Variants in MICAL2 observed in about 807,000 individuals in gnomAD.
The protein encoded by MICAL2 is [F-actin]-monooxygenase MICAL2.
A neutral mutation model predicts 127.3 loss-of-function variants in MICAL2; 77 were observed. That is an observed-to-expected ratio of 0.60 (90% CI 0.50 to 0.73). MICAL2 has a LOEUF of 0.73. Ranked by LOEUF, MICAL2 falls within the 30% of genes least tolerant of loss-of-function variation. MICAL2 has a pLI of 0.00. For synonymous variants in MICAL2, 570 were observed against 551.1 expected (o/e 1.03, Z -0.48); for missense variants, 1,351 against 1,434.4 (o/e 0.94, Z 0.94).
intron 1 of MICAL2, among the ~76,000 whole-genome samples, chr11:12,277,696 A>G (rs1392347182): frequency 6.6e-6 from 1 of 152,206 alleles, no homozygotes; most frequent in Non-Finnish European, 1.5e-5. Flanking sequence ...CTTATAAGAC[A>G]AGGTAAGGAG....
intron 26 of MICAL2, chr11:12,260,793 G>A (rs1477588311): frequency 1.0e-6 from 1 of 985,478 alleles, no homozygotes; most frequent in Non-Finnish European, 1.2e-6. Context: ...GAGGAGGACT[G>A]TTTTGCTCCC....
At chr11:12,331,855 A>C (rs1043412619) in intron 32 of MICAL2, among the ~76,000 whole-genome samples, 1 of 152,164 alleles carries the variant, frequency 6.6e-6, no homozygotes, top group Admixed American at 6.5e-5. Context: ...CTTTTCTTTT[A>C]TGTCCCTATT....
intron 8 of MICAL2, among the ~76,000 whole-genome samples, chr11:12,219,848 A>G (rs889852910): frequency 2.0e-5 from 3 of 152,226 alleles, no homozygotes; most frequent in Non-Finnish European, 4.4e-5. Context: ...CCCTGTTGAA[A>G]TTCCTACGTG....
chr11:12,155,803 G>A (rs1854125088), intron 2 of MICAL2, among the ~76,000 whole-genome samples: 1 of 152,220 alleles, frequency 6.6e-6, no homozygotes, highest in Non-Finnish European at 1.5e-5. Context: ...ACTGGGCCCT[G>A]ATGACGTTGG....
At chr11:12,293,746 C>A (rs975430498), downstream of MICAL2, 2 of 1,613,974 alleles carry the variant, frequency 1.2e-6, no homozygotes, top group Middle Eastern at 1.6e-4. Flanking sequence ...GCCTCTCAGA[C>A]CCTGCAGAGA....
At chr11:12,234,135 G>A (rs1343709569) in intron 15 of MICAL2, among the ~76,000 whole-genome samples, 1 of 152,114 alleles carries the variant, frequency 6.6e-6, no homozygotes, top group Non-Finnish European at 1.5e-5. Context: ...CTGCTGGTGG[G>A]CACGGCCTCC....
At chr11:12,270,080 T>G (rs1167368664) in intron 24 of MICAL2, among the ~76,000 whole-genome samples, 1 of 152,230 alleles carries the variant, frequency 6.6e-6, no homozygotes, top group Non-Finnish European at 1.5e-5. Flanking sequence ...AAAAGGACTT[T>G]GGCTCTGGCA....
chr11:12,258,798 GAAGCCTGGAAGAGCT>G (rs1862683275), intron 25 of MICAL2, among the ~76,000 whole-genome samples: 1 of 152,336 alleles, frequency 6.6e-6, no homozygotes, highest in East Asian at 1.9e-4. Context: ...CTTCTCATAA[GAAGCCTGGAAGAGCT>G]TGCCCATGTG....
intron 34 of MICAL2, among the ~76,000 whole-genome samples, chr11:12,356,193 G>T (rs1347813462): frequency 6.6e-6 from 1 of 152,132 alleles, no homozygotes; most frequent in Non-Finnish European, 1.5e-5. Flanking sequence ...AACCCTGTCA[G>T]ATGTATCCAA....
At chr11:12,146,237 C>T (rs1273146290) in intron 2 of MICAL2, among the ~76,000 whole-genome samples, 11 of 152,110 alleles carry the variant, frequency 7.2e-5, no homozygotes, top group Non-Finnish European at 1.2e-4. Flanking sequence ...AACTAAAGAG[C>T]TTCTGCACAG....
chr11:12,217,736 G>T (rs373520899), intron 8 of MICAL2, among the ~76,000 whole-genome samples: 2 of 152,096 alleles, frequency 1.3e-5, no homozygotes, highest in Admixed American at 6.5e-5. Flanking sequence ...CTTCCCTGGC[G>T]GTTGTCAAAG....
intron 2 of MICAL2, among the ~76,000 whole-genome samples, chr11:12,154,480 A>G (rs1853947983): frequency 6.6e-6 from 1 of 152,218 alleles, no homozygotes; most frequent in Non-Finnish European, 1.5e-5. Context: ...AACTTTGGGA[A>G]ATACAGAAAA....
intron 22 of MICAL2, 107 bp from the exon 23 acceptor site, chr11:12,255,536 A>C: frequency 1.1e-6 from 1 of 929,026 alleles, no homozygotes; most frequent in Non-Finnish European, 1.7e-6. Context: ...TGCTATTTGC[A>C]TGTGGGTGAG....
downstream of MICAL2, among the ~76,000 whole-genome samples, chr11:12,296,851 G>C (rs903401711): frequency 6.6e-6 from 1 of 151,908 alleles, no homozygotes; most frequent in Non-Finnish European, 1.5e-5. Flanking sequence ...TTATTTTGGA[G>C]CTCATTCCAT....
chr11:12,150,382 G>A (rs1201907254), intron 2 of MICAL2, among the ~76,000 whole-genome samples: 3 of 151,998 alleles, frequency 2.0e-5, no homozygotes, highest in Admixed American at 6.5e-5. Flanking sequence ...AGCCGTGACC[G>A]TACCACTGCT....
intron 34 of MICAL2, among the ~76,000 whole-genome samples, chr11:12,356,939 A>G (rs1171440884): frequency 6.6e-6 from 1 of 152,244 alleles, no homozygotes; most frequent in African/African-American, 2.4e-5. Flanking sequence ...GGGCAGGGCA[A>G]GAGTCCTTTG....
chr11:12,313,961 A>ATTTTTT (rs60681621), intron 29 of MICAL2, among the ~76,000 whole-genome samples: 1,256 of 43,614 alleles, frequency 0.029, 72 homozygotes, highest in Middle Eastern at 0.067. Flanking sequence ...TCTTGGTCTG[A>ATTTTTT]TTTTTTTTTT....
rs115925973 is a variant in MICAL2, at chr11:12,270,589, C to T, written c.3335-5397C>T. Among the ~76,000 whole-genome samples, 366 of 152,312 alleles carry T rather than the reference C, an allele frequency of 2.4e-3. 1 individual carries two copies. Among genetic ancestry groups the T allele is most frequent in the African/African-American group, 7.7e-3 (321 of 41,574 alleles). ...ATCCCTGTTTGGCTTTTAGCTCTTC[C>T]GGCACCATTGCAGTTCATTTCCTGT... On this transcript the variant is annotated intron_variant, in intron 24 of 34. Coordinates refer to the MICAL2 transcript ENST00000646065.
downstream of MICAL2, chr11:12,294,374 C>T (rs757897123): frequency 1.2e-5 from 20 of 1,614,106 alleles, no homozygotes; most frequent in South Asian, 4.4e-5. Flanking sequence ...ATTCAGCCTT[C>T]GGAAAACCAA....
Sources: gnomAD v4.1 joint callset for allele counts (sites outside exome capture counted in the v4.1 genomes callset) on GRCh38, gnomAD v4.1.1 for gene constraint, MANE v1.5 for transcripts, NCBI Gene and HGNC (gene_info 2026-07-23, HGNC 2026-07-21) for gene names.